Variants in FNDC1 observed in about 807,000 individuals in gnomAD.
The protein encoded by FNDC1 is fibronectin type III domain-containing protein 1.
In FNDC1, 96 loss-of-function variants were observed where a neutral mutation model predicts 168.0. That is an observed-to-expected ratio of 0.57 (90% CI 0.48 to 0.68). The LOEUF is 0.68. FNDC1 is among the 30% of genes least tolerant of loss of function. The pLI is 0.00. For missense variants in FNDC1, 2,587 were observed against 2,482.1 expected, an observed-to-expected ratio of 1.04 and a Z score of -0.90; for synonymous variants, 1,099 against 1,025.9, an observed-to-expected ratio of 1.07 and a Z score of -1.36.
At chr6:159,241,617 A>G (rs113698614) in intron 14 of FNDC1, among the ~76,000 whole-genome samples, 145 of 152,348 alleles carry the variant, frequency 9.5e-4, no homozygotes, top group Non-Finnish European at 1.6e-3. Context: ...TATCATCCTC[A>G]TATCGCATTT....
chr6:159,173,024 A>G (rs1203629853), intron 1 of FNDC1, among the ~76,000 whole-genome samples: 3 of 152,230 alleles, frequency 2.0e-5, no homozygotes, highest in Non-Finnish European at 4.4e-5. Context: ...TCAACATGTA[A>G]TGGTTTATTA....
intron 12 of FNDC1, among the ~76,000 whole-genome samples, 177 bp from the exon 13 acceptor site, chr6:159,238,377 G>C (rs1218020342): frequency 6.6e-6 from 1 of 152,122 alleles, no homozygotes; most frequent in African/African-American, 2.4e-5. Context: ...GAGCCACCGC[G>C]CCCGGCCTGT....
intron 14 of FNDC1, among the ~76,000 whole-genome samples, chr6:159,245,053 C>T (rs182257520): frequency 1.4e-3 from 218 of 152,122 alleles, no homozygotes; most frequent in African/African-American, 4.9e-3. Context: ...AGAGTGAGAG[C>T]GAGAACGAGA....
chr6:159,179,635 A>T (rs750062198), intron 1 of FNDC1, among the ~76,000 whole-genome samples: 1 of 151,818 alleles, frequency 6.6e-6, no homozygotes, highest in Non-Finnish European at 1.5e-5. Context: ...CCTCATCAAC[A>T]CCCGGCATTT....
Position 159,246,954 on chromosome 6 carries a change from G to T in FNDC1, c.4675G>T (p.Val1559Phe), listed in dbSNP as rs760097568. 6.2e-7 allele frequency: 1 copy of T among 1,611,188 alleles called. No individual in the cohort carries two copies. Among genetic ancestry groups the T allele is most frequent in the Non-Finnish European group, 8.5e-7 (1 of 1,177,324 alleles). Residue 1559 changes from valine (V) to phenylalanine (F), a missense_variant, in exon 15 of 23, where the codon GTT (valine) becomes TTT (phenylalanine). Val to Phe is a conservative substitution (Grantham distance 50). Coordinates refer to ENST00000297267, the MANE Select transcript of FNDC1 (RefSeq NM_032532.3). ...TGCAGTACCTACGGAAGAGGCCTAC[G>T]TTATATATGATGAAGGTACAAACTG... ...DTAVPTEEAY[V>F]IYDEDYEFET...
Position 159,232,336 on chromosome 6 carries a change from C to T in FNDC1, c.1824C>T (p.Pro608=). The part of the protein sequence containing the change: ...DKPGFSLATQ[P]RPGAPPSASA... Reference sequence around the variant, plus strand: ...CTGGCTTTTCCCTGGCCACGCAGCCCCGCCCAGGGGCGCCCCCCTCGGCTT... The same window carrying T: ...CTGGCTTTTCCCTGGCCACGCAGCCTCGCCCAGGGGCGCCCCCCTCGGCTT... The change falls in exon 11 of 23, where the codon CCC becomes CCT. Residue 608 remains proline, a synonymous_variant. Coordinates refer to ENST00000297267, the MANE Select transcript of FNDC1 (RefSeq NM_032532.3). The surrounding 1 kb of genome is among the most constrained non-coding windows in gnomAD (Gnocchi z 4.9). 6.2e-7 allele frequency: 1 copy of T among 1,613,450 alleles called. No individual in the cohort carries two copies. The highest frequency in any genetic ancestry group is 1.7e-5 in the Admixed American group (1 of 59,978).
Position 159,256,589 on chromosome 6 carries a change from C to T in FNDC1, c.5132C>T (p.Ser1711Leu). The T allele has an allele frequency of 6.2e-7, 1 of 1,613,964 alleles. No homozygotes were observed. Among genetic ancestry groups the T allele is most frequent in the East Asian group, 2.2e-5 (1 of 44,888 alleles). ...IRNKWSTQAS[S>L]VTHLPIENLK... ...AACAAGTGGTCCACTCAAGCTTCAT[C>T]AGTAACTCACTTGCCCATTGAGAAC... is the stretch of plus-strand genomic sequence containing the variant. The change falls in exon 18 of 23, where the codon TCA (serine) becomes TTA (leucine). Residue 1711 changes from serine (S) to leucine (L), a missense_variant. By Grantham distance (145) the Ser-to-Leu change is moderately radical. Coordinates refer to ENST00000297267, the MANE Select transcript of FNDC1 (RefSeq NM_032532.3).
intron 4 of FNDC1, among the ~76,000 whole-genome samples, chr6:159,201,208 GGT>G (rs1428614209): frequency 3.9e-5 from 6 of 152,190 alleles, no homozygotes; most frequent in Non-Finnish European, 2.9e-5. Flanking sequence ...TTCAGAGTGT[GGT>G]TGGGTAATAT....
chr6:159,257,242 G>A (rs76912977), intron 18 of FNDC1, among the ~76,000 whole-genome samples: 1 of 152,324 alleles, frequency 6.6e-6, no homozygotes, highest in Non-Finnish European at 1.5e-5. Context: ...TGGTGGTAAT[G>A]ACCCTCGGAA....
At chr6:159,252,939 T>G (rs942929859) in intron 17 of FNDC1, among the ~76,000 whole-genome samples, 1 of 152,202 alleles carries the variant, frequency 6.6e-6, no homozygotes, top group Non-Finnish European at 1.5e-5. Flanking sequence ...CCTCAAGGGT[T>G]CTTGCAGTGA....
intron 5 of FNDC1, among the ~76,000 whole-genome samples, chr6:159,221,338 G>T (rs1782817144): frequency 6.6e-6 from 1 of 152,080 alleles, no homozygotes; most frequent in African/African-American, 2.4e-5. Context: ...ATGCTGATGA[G>T]GTAGAAACCT....
At chr6:159,193,833 A>C (rs1348512107) in intron 1 of FNDC1, among the ~76,000 whole-genome samples, 2 of 152,070 alleles carry the variant, frequency 1.3e-5, no homozygotes, top group African/African-American at 4.8e-5. Context: ...CTAGGTGGGG[A>C]TTGTGCCCTT....
At chr6:159,197,245 G>A (rs1050899939) in intron 1 of FNDC1, among the ~76,000 whole-genome samples, 186 bp from the exon 2 acceptor site, 8 of 152,160 alleles carry the variant, frequency 5.3e-5, no homozygotes, top group Non-Finnish European at 1.0e-4. Context: ...AAGGCCTGTG[G>A]GTTTGGTATA....
chr6:159,209,231 A>G (rs1000253696), intron 4 of FNDC1, among the ~76,000 whole-genome samples: 2 of 152,266 alleles, frequency 1.3e-5, no homozygotes, highest in Non-Finnish European at 2.9e-5. Flanking sequence ...AATGAAGATT[A>G]GGAATGAATT....
chr6:159,233,846 C>A lies in FNDC1; in HGVS notation c.3334C>A (p.Gln1112Lys). 6.5e-7 allele frequency: 1 copy of A among 1,545,104 alleles called. No homozygotes were observed. The highest frequency in any genetic ancestry group is 8.7e-7 in the Non-Finnish European group (1 of 1,144,422). The change falls in exon 11 of 23, where the codon CAG (glutamine) becomes AAG (lysine). Residue 1112 changes from glutamine to lysine, a missense_variant. By Grantham distance (53) the Gln-to-Lys change is moderately conservative. Coordinates refer to ENST00000297267, the MANE Select transcript of FNDC1 (RefSeq NM_032532.3). This position sits in a 1 kb window ranked among gnomAD's most constrained non-coding sequence, Gnocchi z 4.6. ...AGCTGCGTCCCTTCCCAAGCACCAG[C>A]AGGTGGAGTCTCCCACAGGCGCAGG... The part of the protein sequence containing the change: ...EAAASLPKHQ[Q>K]VESPTGAGAG...
chr6:159,213,499 C>A (rs1160076879), intron 4 of FNDC1, among the ~76,000 whole-genome samples: 1 of 152,140 alleles, frequency 6.6e-6, no homozygotes, highest in Non-Finnish European at 1.5e-5. Context: ...CTCCCCAGGG[C>A]CCAGCAGGGA....
chr6:159,189,723 C>T (rs776780056), intron 1 of FNDC1, among the ~76,000 whole-genome samples: 2 of 152,212 alleles, frequency 1.3e-5, no homozygotes, highest in Non-Finnish European at 2.9e-5. Context: ...GCTATTTGGA[C>T]TTTAATTTCT....
At position 159,191,240 on chromosome 6, in the gene FNDC1, G is replaced by A. The variant is rs9295093; in HGVS notation, c.110-6191G>A. Among the ~76,000 whole-genome samples, 306 of 152,224 alleles carry A rather than the reference G, an allele frequency of 2.0e-3. 2 individuals are homozygous for A. The highest frequency in any genetic ancestry group is 7.1e-3 in the African/African-American group (294 of 41,546). ...AGATCACAATTCAACATGAGATTTG[G>A]GTGGGGACACAGAGCCAAACCATAT... is the stretch of plus-strand genomic sequence containing the variant. On this transcript the variant is annotated intron_variant, in intron 1 of 22. Transcript: ENST00000297267.
At chr6:159,176,973 T>A (rs1020849525) in intron 1 of FNDC1, among the ~76,000 whole-genome samples, 2 of 152,226 alleles carry the variant, frequency 1.3e-5, no homozygotes, top group African/African-American at 4.8e-5. Flanking sequence ...ATGGCTCGTA[T>A]GTTCCAGAAC....
Sources: gnomAD v4.1 joint callset for allele counts (sites outside exome capture counted in the v4.1 genomes callset) on GRCh38, gnomAD v4.1.1 for gene constraint, Gnocchi (gnomAD v3.1) non-coding constraint, MANE v1.5 for transcripts, NCBI Gene and HGNC (gene_info 2026-07-23, HGNC 2026-07-21) for gene names.